RIIAD1: variants seen among roughly 807,000 people sequenced by gnomAD.
The protein encoded by RIIAD1 is regulatory subunit of type II PKA R-subunit domain containing 1.
In RIIAD1, 15 loss-of-function variants were observed where a neutral mutation model predicts 13.3. The observed-to-expected ratio is 1.13, with a 90% CI of 0.76 to 1.74. The LOEUF (loss-of-function observed/expected upper bound fraction) is 1.74. Among genes scored for constraint, RIIAD1 ranks in the 40% most tolerant of loss-of-function variants. The probability of loss-of-function intolerance (pLI) is 0.00; values close to 1 mark genes in which losing one functional copy is unlikely to be tolerated. For synonymous variants in RIIAD1, 50 were observed against 43.3 expected (o/e 1.16, Z -0.61); for missense variants, 121 against 112.2 (o/e 1.08, Z -0.35).
chr1:151,716,964 C>A, upstream of RIIAD1: 1 of 342,356 alleles, frequency 2.9e-6, no homozygotes, highest in South Asian at 2.2e-5. Context: ...GACTCCCTTC[C>A]CGCCCCCAGA....
chr1:151,722,363 A>G (rs371384075), intron 2 of RIIAD1, among the ~76,000 whole-genome samples: 1 of 152,194 alleles, frequency 6.6e-6, no homozygotes. Flanking sequence ...TGGGTGTAGA[A>G]CACTATTCTC....
intron 4 of RIIAD1, chr1:151,716,137 C>A: frequency 9.3e-7 from 1 of 1,071,016 alleles, no homozygotes; most frequent in Admixed American, 2.9e-5. Flanking sequence ...GCTGGCTTTC[C>A]CTTTGGCCCC....
chr1:151,718,874 A>G (rs1673677728), upstream of RIIAD1, among the ~76,000 whole-genome samples: 1 of 152,090 alleles, frequency 6.6e-6, no homozygotes. Flanking sequence ...CTTGGTATTT[A>G]TGGAGATGCT....
At chr1:151,721,024 A>T (rs1673724637), upstream of RIIAD1, among the ~76,000 whole-genome samples, 1 of 152,206 alleles carries the variant, frequency 6.6e-6, no homozygotes, top group East Asian at 1.9e-4. Context: ...CAGCATCTTT[A>T]GTCGGACAGA....
At chr1:151,712,226 G>A (rs1673085061) in intron 2 of RIIAD1, among the ~76,000 whole-genome samples, 1 of 152,206 alleles carries the variant, frequency 6.6e-6, no homozygotes, top group Admixed American at 6.5e-5. Flanking sequence ...GCCCTCCCTC[G>A]GGCCTCCCAA....
At chr1:151,725,553 T>C in intron 2 of RIIAD1, among the ~76,000 whole-genome samples, 1 of 152,230 alleles carries the variant, frequency 6.6e-6, no homozygotes, top group Non-Finnish European at 1.5e-5. Flanking sequence ...GTACTATTGT[T>C]CAGATGAAGA....
intron 2 of RIIAD1, among the ~76,000 whole-genome samples, chr1:151,725,526 G>A (rs1673814471): frequency 6.6e-6 from 1 of 152,142 alleles, no homozygotes; most frequent in Non-Finnish European, 1.5e-5. Context: ...AACTGTCAGA[G>A]GGTGAAAATA....
chr1:151,716,994 A>T (rs1194077949), upstream of RIIAD1, among the ~76,000 whole-genome samples: 1 of 151,970 alleles, frequency 6.6e-6, no homozygotes, highest in Non-Finnish European at 1.5e-5. Context: ...GGTCCTGTTG[A>T]TAATAACCCT....
At chr1:151,713,971 C>T (rs949614257) in intron 3 of RIIAD1, among the ~76,000 whole-genome samples, 1 of 152,160 alleles carries the variant, frequency 6.6e-6, no homozygotes, top group Non-Finnish European at 1.5e-5. Flanking sequence ...CAGGCCTGAT[C>T]CTCTACAATG....
intron 4 of RIIAD1, chr1:151,715,828 A>C (rs2101491291): frequency 6.3e-7 from 1 of 1,594,508 alleles, no homozygotes; most frequent in Non-Finnish European, 8.6e-7. Context: ...AACTTCCCCC[A>C]GCCTCCCAGC....
chr1:151,715,806 C>T, intron 4 of RIIAD1: 1 of 1,595,534 alleles, frequency 6.3e-7, no homozygotes, highest in South Asian at 1.1e-5. Context: ...CTCCACCCCT[C>T]CAGCCTGGCT....
At chr1:151,715,007 C>T (rs1043615626) in intron 4 of RIIAD1, among the ~76,000 whole-genome samples, 1 of 152,006 alleles carries the variant, frequency 6.6e-6, no homozygotes, top group Non-Finnish European at 1.5e-5. Flanking sequence ...CTCCTTTCCC[C>T]TCTCTCCCTC....
chr1:151,715,845 C>T (rs372291437), intron 4 of RIIAD1: 62 of 1,602,796 alleles, frequency 3.9e-5, no homozygotes, highest in Middle Eastern at 1.7e-4. Flanking sequence ...CAGCCCACCC[C>T]GAAGCCTCTT....
chr1:151,721,822 AG>A, intron 1 of RIIAD1: 1 of 576,716 alleles, frequency 1.7e-6, no homozygotes, highest in Non-Finnish European at 3.1e-6. Context: ...CTGAGAGTGC[AG>A]GAAGAACTAA....
At chr1:151,728,159 C>T (rs1673865443) in intron 3 of RIIAD1, among the ~76,000 whole-genome samples, 1 of 152,212 alleles carries the variant, frequency 6.6e-6, no homozygotes, top group South Asian at 2.1e-4. Context: ...TCCCAGACCT[C>T]AAACCATTGC....
chr1:151,716,342 G>A (rs1404363105), intron 4 of RIIAD1: 1 of 328,422 alleles, frequency 3.0e-6, no homozygotes, highest in Middle Eastern at 8.8e-4. Flanking sequence ...AGGGTTAGGT[G>A]GTAGCCGGGG....
intron 3 of RIIAD1, 49 bp from the exon 4 acceptor site, chr1:151,728,717 C>T: frequency 2.6e-6 from 3 of 1,149,434 alleles, no homozygotes; most frequent in Non-Finnish European, 3.8e-6. Context: ...ATGGGTAAAT[C>T]TTTTCCCTTT....
chr1:151,714,487 G>A (rs762094967), exon 4 of RIIAD1: 2 of 798,840 alleles, frequency 2.5e-6, no homozygotes, highest in Admixed American at 4.0e-5. Context: ...GGACTTCCTG[G>A]TGATGAGAGG....
At chr1:151,718,712 G>A (rs888122627), upstream of RIIAD1, among the ~76,000 whole-genome samples, 1 of 152,154 alleles carries the variant, frequency 6.6e-6, no homozygotes, top group Non-Finnish European at 1.5e-5. Context: ...GGGTGGCAGT[G>A]GGGGGAGGTG....
Sources: allele counts gnomAD v4.1 joint callset (sites outside exome capture counted in the v4.1 genomes callset), GRCh38; gene constraint gnomAD v4.1.1; transcripts MANE v1.5; gene names NCBI Gene and HGNC (gene_info 2026-07-23, HGNC 2026-07-21).